Variants in BCO2 observed in about 807,000 individuals in gnomAD.
BCO2 encodes carotenoid-cleaving dioxygenase, mitochondrial.
In BCO2, 56 loss-of-function variants were observed where a neutral mutation model predicts 65.8. That is an observed-to-expected ratio of 0.85 (90% CI 0.69 to 1.06). The LOEUF (loss-of-function observed/expected upper bound fraction) is 1.06. Ranked by LOEUF, BCO2 falls within the 50% of genes least tolerant of loss-of-function variation. The pLI, the probability that BCO2 is intolerant of heterozygous loss-of-function variation, is 0.00. For synonymous variants in BCO2, 233 were observed against 242.3 expected, an observed-to-expected ratio of 0.96 and a Z score of 0.36; for missense variants, 675 against 698.5, an observed-to-expected ratio of 0.97 and a Z score of 0.38.
intron 2 of BCO2, among the ~76,000 whole-genome samples, chr11:112,187,033 C>T (rs1867220267): frequency 1.3e-5 from 2 of 152,186 alleles, no homozygotes; most frequent in South Asian, 4.1e-4. Flanking sequence ...ACTAAGGCCA[C>T]ACTTGGAACT....
chr11:112,216,457 T>A lies in BCO2; in HGVS notation c.1626+127T>A, dbSNP rs1361759862. ...TTTTCCCTTCTCTTCCCCTCCTTACTATTTACATACCCTTTTATCTCAATC... is the reference window on the plus strand; with the variant it reads ...TTTTCCCTTCTCTTCCCCTCCTTACAATTTACATACCCTTTTATCTCAATC... On this transcript the variant is annotated intron_variant, in intron 11 of 11. Transcript: ENST00000357685. 10 of 642,786 alleles carry A rather than the reference T, an allele frequency of 1.6e-5. No individual in the cohort carries two copies. In the Admixed American group the frequency reaches 2.7e-4, roughly 17 times the overall value. 39.8% of individuals were successfully genotyped at this position (642,786 alleles called of 1,614,324 possible). A position where few individuals can be genotyped will look rare whatever the true frequency, so the allele number is the denominator to read the frequency against.
intron 2 of BCO2, chr11:112,181,339 G>C: frequency 1.9e-6 from 1 of 525,714 alleles, no homozygotes; most frequent in East Asian, 3.5e-5. Context: ...CCGCCACTAC[G>C]CCCGGCTAAT....
intron 8 of BCO2, among the ~76,000 whole-genome samples, chr11:112,211,591 A>G (rs1014154941): frequency 6.6e-6 from 1 of 152,326 alleles, no homozygotes; most frequent in East Asian, 1.9e-4. Flanking sequence ...GCAATGCACA[A>G]GAGTTCCAGT....
chr11:112,200,746 T>TC lies in BCO2; in HGVS notation c.1000dup (p.His334ProfsTer30). 1 of 1,613,876 alleles carries TC rather than the reference T, an allele frequency of 6.2e-7. No homozygotes were observed. The highest frequency in any genetic ancestry group is 8.5e-7 in the Non-Finnish European group (1 of 1,179,942). Reference sequence around the variant, plus strand: ...GGGAACCCCAGTGTAATACGCGGTTTCATGTGGTGGAAAAACGCACTGGAC... The same window carrying TC: ...GGGAACCCCAGTGTAATACGCGGTTTCCATGTGGTGGAAAAACGCACTGGAC... On this transcript the variant is annotated frameshift_variant, in exon 7 of 12. Coordinates refer to ENST00000357685, the MANE Select transcript of BCO2 (RefSeq NM_031938.7). LOFTEE classifies it high-confidence loss of function.
In BCO2 at chr11:112,200,748, A is replaced by G. The variant is rs1404576614; in HGVS notation, c.1001A>G (p.His334Arg). The change falls in exon 7 of 12, where the codon CAT (histidine) becomes CGT (arginine). Residue 334 changes from histidine to arginine, a missense_variant. His to Arg is a conservative substitution (Grantham distance 29). Coordinates refer to ENST00000357685, the MANE Select transcript of BCO2 (RefSeq NM_031938.7). ...SWEPQCNTRF[H>R]VVEKRTGQLL... is the part of the protein sequence containing the mutation. ...GAACCCCAGTGTAATACGCGGTTTCATGTGGTGGAAAAACGCACTGGACAG... is the reference window on the plus strand; with the variant it reads ...GAACCCCAGTGTAATACGCGGTTTCGTGTGGTGGAAAAACGCACTGGACAG... 1 of 1,613,828 alleles carries G rather than the reference A, an allele frequency of 6.2e-7. No homozygotes were observed. Among genetic ancestry groups the G allele is most frequent in the East Asian group, 2.2e-5 (1 of 44,876 alleles).
intron 8 of BCO2, among the ~76,000 whole-genome samples, chr11:112,206,174 G>A (rs1867863544): frequency 6.6e-6 from 1 of 150,568 alleles, no homozygotes; most frequent in African/African-American, 2.4e-5. Flanking sequence ...GGGCCGGGCA[G>A]AGGCGCTCCT....
rs201916708 is a variant in BCO2, at chr11:112,193,626, C to T, written c.446C>T (p.Ala149Val). 3 of 1,614,148 alleles carry T rather than the reference C, an allele frequency of 1.9e-6. No individual in the cohort carries two copies. In the African/African-American group the frequency reaches 4.0e-5, roughly 22 times the overall value. ...RIVISEFGTL[A>V]LPDPCKNVFE... The stretch of plus-strand genomic sequence containing the variant: ...GTGATCTCAGAATTTGGCACACTGG[C>T]TCTCCCGGATCCATGCAAGAATGTT... Residue 149 changes from alanine to valine, a missense_variant, in exon 3 of 12, where the codon GCT (alanine) becomes GTT (valine). Transcript: ENST00000357685.
intron 10 of BCO2, chr11:112,215,198 G>A (rs1303782922): frequency 4.2e-6 from 2 of 473,790 alleles, no homozygotes; most frequent in African/African-American, 3.9e-5. Flanking sequence ...TGGGGTTAGG[G>A]TTGTTAGGAC....
At chr11:112,194,411 A>G (rs1367065669) in intron 4 of BCO2, 2 of 457,814 alleles carry the variant, frequency 4.4e-6, no homozygotes, top group East Asian at 8.3e-5. Flanking sequence ...TTCCTGTGAT[A>G]TTAGGCAAAT....
rs372889172 is a variant in BCO2 at position 112,192,795 on chromosome 11, C to T, written c.294-679C>T. ...GATTACAGGTGTGAGCCACTGTGCC[C>T]GGCCTGGAGCTCATTCTGATTTGTT... On this transcript the variant is annotated intron_variant, in intron 2 of 11. Coordinates refer to ENST00000357685, the MANE Select transcript of BCO2 (RefSeq NM_031938.7). Among the ~76,000 whole-genome samples the T allele has an allele frequency of 2.9e-4, 44 of 149,422 alleles. No individual in the cohort carries two copies. In the East Asian group the frequency reaches 8.0e-3, roughly 27 times the overall value.
intron 2 of BCO2, among the ~76,000 whole-genome samples, chr11:112,186,920 T>C (rs1867216218): frequency 6.6e-6 from 1 of 152,192 alleles, no homozygotes. Flanking sequence ...GTCTCTACCA[T>C]TCTCTAGACA....
chr11:112,212,933 A>G (rs1452163002), intron 8 of BCO2, among the ~76,000 whole-genome samples: 1 of 152,126 alleles, frequency 6.6e-6, no homozygotes, highest in Non-Finnish European at 1.5e-5. Context: ...GTTCCCAGCA[A>G]CCAGCCCAAG....
At chr11:112,179,246 T>C in intron 1 of BCO2, 32 bp from the exon 2 acceptor site, 1 of 1,595,042 alleles carries the variant, frequency 6.3e-7, no homozygotes. Flanking sequence ...TTTGGTAAAA[T>C]ATTTTTTGTG....
chr11:112,207,384 T>C (rs1859377416), intron 8 of BCO2, among the ~76,000 whole-genome samples: 2 of 152,226 alleles, frequency 1.3e-5, no homozygotes, highest in African/African-American at 4.8e-5. Flanking sequence ...AGTCTCTTCC[T>C]TTATGACTTA....
At chr11:112,191,767 T>A (rs1052220975) in intron 2 of BCO2, among the ~76,000 whole-genome samples, 5 of 152,102 alleles carry the variant, frequency 3.3e-5, no homozygotes, top group African/African-American at 1.2e-4. Context: ...GGTGCAAGAA[T>A]AGACCAATAG....
At chr11:112,199,504 C>T (rs557920460) in intron 5 of BCO2, among the ~76,000 whole-genome samples, 195 bp from the exon 6 acceptor site, 35 of 152,226 alleles carry the variant, frequency 2.3e-4, no homozygotes, top group East Asian at 9.6e-4. Context: ...TGTTTCAAAA[C>T]GTTAGCTAAT....
At chr11:112,216,090 G>A in intron 10 of BCO2, 130 bp from the exon 11 acceptor site, 1 of 669,558 alleles carries the variant, frequency 1.5e-6, no homozygotes. Flanking sequence ...CAGCACTCCA[G>A]CATGAGCTTT....
chr11:112,190,274 A>G (rs1177095681), intron 2 of BCO2, among the ~76,000 whole-genome samples: 1 of 152,120 alleles, frequency 6.6e-6, no homozygotes, highest in Non-Finnish European at 1.5e-5. Flanking sequence ...ACAGAACAAG[A>G]CCCTGTCTCT....
At chr11:112,190,572 T>A (rs1328844098) in intron 2 of BCO2, among the ~76,000 whole-genome samples, 1 of 151,906 alleles carries the variant, frequency 6.6e-6, no homozygotes, top group African/African-American at 2.4e-5. Flanking sequence ...GAAAATAGGG[T>A]TTGGCTGGGC....
Sources: allele counts gnomAD v4.1 joint callset (sites outside exome capture counted in the v4.1 genomes callset), GRCh38; gene constraint gnomAD v4.1.1; transcripts MANE v1.5; gene names NCBI Gene and HGNC (gene_info 2026-07-23, HGNC 2026-07-21).